MAPK8IP3: variants seen among roughly 807,000 people sequenced by gnomAD.
MAPK8IP3 encodes C-Jun-amino-terminal kinase-interacting protein 3.
Under a neutral mutation model 157.8 loss-of-function variants are expected in MAPK8IP3, and 49 were observed. The ratio of observed to expected loss-of-function variants is 0.31; its 90% CI spans 0.25 to 0.39. The LOEUF is 0.39. Ranked by LOEUF, MAPK8IP3 falls within the 10% of genes least tolerant of loss-of-function variation. The probability of loss-of-function intolerance (pLI) is 1.00; values close to 1 mark genes in which losing one functional copy is unlikely to be tolerated. For synonymous variants in MAPK8IP3, 897 were observed against 777.7 expected (o/e 1.15, Z -2.55); for missense variants, 1,478 against 1,889.4 (o/e 0.78, Z 4.04).
At chr16:1,744,086 G>A in intron 5 of MAPK8IP3, 1 of 988,198 alleles carries the variant, frequency 1.0e-6, no homozygotes, top group Non-Finnish European at 1.2e-6. Flanking sequence ...GCCAGCCGGT[G>A]AGTGCACCTC....
chr16:1,743,089 C>T lies in MAPK8IP3; in HGVS notation c.603-243C>T, dbSNP rs554760501. Among the ~76,000 whole-genome samples the T allele has an allele frequency of 4.0e-5, 6 of 151,602 alleles. No individual in the cohort carries two copies. The highest frequency in any genetic ancestry group is 4.2e-4 in the South Asian group (2 of 4,802). ...CAGCCTGGGTGACAGAGCGAGACTC[C>T]GCCTCAAAAAAAATAAAATAAAATA... On this transcript the variant is annotated intron_variant, in intron 4 of 31. Transcript: ENST00000610761. This position sits in a 1 kb window ranked among gnomAD's most constrained non-coding sequence, Gnocchi z 5.6.
chr16:1,744,933 T>G, intron 5 of MAPK8IP3: 1 of 979,952 alleles, frequency 1.0e-6, no homozygotes, highest in Non-Finnish European at 1.2e-6. Context: ...TTTTTTGTTG[T>G]TTTTTGTTTT....
intron 4 of MAPK8IP3, among the ~76,000 whole-genome samples, chr16:1,736,711 T>A (rs2039895209): frequency 1.4e-5 from 1 of 72,376 alleles, no homozygotes; most frequent in Non-Finnish European, 2.6e-5. Flanking sequence ...AGCGTCCGTG[T>A]GAGCGTGTGA....
At chr16:1,719,890 G>A (rs2038407238) in intron 1 of MAPK8IP3, among the ~76,000 whole-genome samples, 1 of 152,152 alleles carries the variant, frequency 6.6e-6, no homozygotes, top group Non-Finnish European at 1.5e-5. Flanking sequence ...AAGAAATGTT[G>A]AGAGTTCTAC....
chr16:1,763,058 C>T (rs780779756), intron 16 of MAPK8IP3, 52 bp downstream of exon 16: 1 of 1,602,412 alleles, frequency 6.2e-7, no homozygotes, highest in Non-Finnish European at 8.5e-7. Context: ...TGGGGAGGCC[C>T]TGTCCTGAGG....
At chr16:1,717,023 C>T (rs1038851794) in intron 1 of MAPK8IP3, among the ~76,000 whole-genome samples, 4 of 151,704 alleles carry the variant, frequency 2.6e-5, no homozygotes, top group Non-Finnish European at 2.9e-5. Context: ...TGTGCTACTG[C>T]ACTCCAGCCT....
chr16:1,758,217 C>G, intron 9 of MAPK8IP3, 58 bp downstream of exon 9: 4 of 1,597,718 alleles, frequency 2.5e-6, no homozygotes, highest in Non-Finnish European at 3.4e-6. Flanking sequence ...AGTGGGTGGA[C>G]GGGGGATGCC....
At chr16:1,732,039 G>T (rs564450668) in intron 4 of MAPK8IP3, among the ~76,000 whole-genome samples, 1 of 152,180 alleles carries the variant, frequency 6.6e-6, no homozygotes, top group African/African-American at 2.4e-5. Context: ...TTTGAATCAG[G>T]AGAAAGCCGG....
At chr16:1,736,530 G>A (rs1261584570) in intron 4 of MAPK8IP3, among the ~76,000 whole-genome samples, 73 of 69,000 alleles carry the variant, frequency 1.1e-3, no homozygotes, top group Admixed American at 1.2e-3. Context: ...GTGACCGTCC[G>A]TGTGAGCATC....
At chr16:1,737,034 G>A (rs867544099) in intron 4 of MAPK8IP3, among the ~76,000 whole-genome samples, 22 of 81,262 alleles carry the variant, frequency 2.7e-4, no homozygotes, top group African/African-American at 5.0e-4. Context: ...CCATCCATGT[G>A]AGCATCCGTG....
intron 1 of MAPK8IP3, among the ~76,000 whole-genome samples, chr16:1,721,443 CT>C (rs542082140): frequency 4.0e-4 from 61 of 151,300 alleles, no homozygotes; most frequent in African/African-American, 1.4e-3. Flanking sequence ...TCTACAAAAC[CT>C]TTTTTTTTAG....
At position 1,741,587 on chromosome 16, in the gene MAPK8IP3, G is replaced by A. The variant is rs2141841411; in HGVS notation, c.603-1745G>A. The stretch of plus-strand genomic sequence containing the variant: ...ATGGCGTCAGAACTGGGCCTCAGCA[G>A]AGGCGCTCCCCGCACCAGCGTTGGG... On this transcript the variant is annotated intron_variant, in intron 4 of 31. Coordinates refer to ENST00000610761, the MANE Select transcript of MAPK8IP3 (RefSeq NM_001318852.2). The surrounding 1 kb of genome is among the most constrained non-coding windows in gnomAD (Gnocchi z 6.9). Among the ~76,000 whole-genome samples, 1 of 152,258 alleles carries A rather than the reference G, an allele frequency of 6.6e-6. No homozygotes were observed. Among genetic ancestry groups the A allele is most frequent in the South Asian group, 2.1e-4 (1 of 4,822 alleles).
intron 4 of MAPK8IP3, chr16:1,735,034 G>C (rs946123477): frequency 6.5e-6 from 1 of 153,898 alleles, no homozygotes; most frequent in Admixed American, 6.5e-5. Context: ...AGACATTCGC[G>C]CAGTGCACGG....
Position 1,726,599 on chromosome 16 carries a change from C to G in MAPK8IP3, c.439+1922C>G, listed in dbSNP as rs1323676001. 3.3e-5 allele frequency among the ~76,000 whole-genome samples: 5 copies of G among 152,260 alleles called. No individual in the cohort carries two copies. In the East Asian group the frequency reaches 9.7e-4, roughly 29 times the overall value. ...GGCTGAGGTAGAGGATTGCTCAAAC[C>G]CAGGAGGGAGAGGCTGCAGTAAGCC... On this transcript the variant is annotated intron_variant, in intron 2 of 31. Coordinates refer to ENST00000610761, the MANE Select transcript of MAPK8IP3 (RefSeq NM_001318852.2).
At chr16:1,713,050 C>G (rs1052302571) in intron 1 of MAPK8IP3, among the ~76,000 whole-genome samples, 2 of 152,226 alleles carry the variant, frequency 1.3e-5, no homozygotes, top group Non-Finnish European at 2.9e-5. Context: ...GCCGGCTTTC[C>G]TCTGTCTCTG....
At chr16:1,734,246 G>GCTC (rs2039508610) in intron 4 of MAPK8IP3, among the ~76,000 whole-genome samples, 1 of 152,252 alleles carries the variant, frequency 6.6e-6, no homozygotes, top group Non-Finnish European at 1.5e-5. Context: ...CCCTGAGCAT[G>GCTC]CCGAGGCCCT....
chr16:1,752,744 G>A lies in MAPK8IP3; in HGVS notation c.1216+4024G>A, dbSNP rs865911885. 3.6e-5 allele frequency among the ~76,000 whole-genome samples: 5 copies of A among 137,206 alleles called. No individual in the cohort carries two copies. The South Asian group carries it at 1.0e-3, about 28-fold the overall frequency. The allele number at this position is 137,206 out of a possible 152,430, so 90.0% of individuals were successfully genotyped here. Reference sequence around the variant, plus strand: ...AGCCTGGGTGACAGAGTGAGGCCCTGTCTCTTAAAAAAAAAAAAAAAAAGA... The same window carrying A: ...AGCCTGGGTGACAGAGTGAGGCCCTATCTCTTAAAAAAAAAAAAAAAAAGA... On this transcript the variant is annotated intron_variant, in intron 8 of 31. Coordinates refer to ENST00000610761, the MANE Select transcript of MAPK8IP3 (RefSeq NM_001318852.2).
intron 16 of MAPK8IP3, 53 bp from the exon 17 acceptor site, chr16:1,763,604 T>TGTG: frequency 6.9e-7 from 1 of 1,455,226 alleles, no homozygotes; most frequent in Non-Finnish European, 9.1e-7. Flanking sequence ...CCTGGGGCAC[T>TGTG]GTGGGGGCCG....
intron 7 of MAPK8IP3, 64 bp downstream of exon 7, chr16:1,748,410 G>A (rs2041098005): frequency 7.1e-7 from 1 of 1,413,808 alleles, no homozygotes; most frequent in East Asian, 2.4e-5. Flanking sequence ...CGGTGTCTTT[G>A]GTGAAGTCTT....
Sources: allele counts gnomAD v4.1 joint callset (sites outside exome capture counted in the v4.1 genomes callset), GRCh38; gene constraint gnomAD v4.1.1; non-coding constraint Gnocchi (gnomAD v3.1); transcripts MANE v1.5; gene names NCBI Gene and HGNC (gene_info 2026-07-23, HGNC 2026-07-21).